Variants in ANGPTL5 observed in about 807,000 individuals in gnomAD.
ANGPTL5 encodes the protein angiopoietin like 5, also known as angiopoietin-related protein 5.
In ANGPTL5, 34 loss-of-function variants were observed where a neutral mutation model predicts 39.4. That is an observed-to-expected ratio of 0.86 (90% CI 0.66 to 1.15). The LOEUF (loss-of-function observed/expected upper bound fraction) is 1.15. Ranked by LOEUF, ANGPTL5 falls within the 50% of genes most tolerant of loss-of-function variation. The pLI is 0.00. For missense variants in ANGPTL5, 467 were observed against 457.5 expected (o/e 1.02, Z -0.19); for synonymous variants, 146 against 152.1 (o/e 0.96, Z 0.29).
At chr11:101,915,360 G>GCC in intron 1 of ANGPTL5, 1 of 1,613,944 alleles carries the variant, frequency 6.2e-7, no homozygotes, top group Non-Finnish European at 8.5e-7. Context: ...CCTCGACAGA[G>GCC]CCCCCCTCGG....
At chr11:101,912,194 T>C (rs1940101954) in intron 1 of ANGPTL5, among the ~76,000 whole-genome samples, 1 of 152,262 alleles carries the variant, frequency 6.6e-6, no homozygotes, top group Admixed American at 6.5e-5. Context: ...GTGCTCAATA[T>C]ATATTTCCTT....
intron 7 of ANGPTL5, among the ~76,000 whole-genome samples, chr11:101,897,698 T>C (rs892579432): frequency 6.6e-6 from 1 of 152,198 alleles, no homozygotes; most frequent in African/African-American, 2.4e-5. Context: ...GCCTCTGTTC[T>C]ATTCCATTGG....
At chr11:101,914,166 G>A (rs898064778) in intron 1 of ANGPTL5, among the ~76,000 whole-genome samples, 5 of 152,190 alleles carry the variant, frequency 3.3e-5, no homozygotes, top group African/African-American at 1.2e-4. Flanking sequence ...TTTGAATGGT[G>A]GGTGAATAAT....
intron 7 of ANGPTL5, among the ~76,000 whole-genome samples, chr11:101,899,989 T>C (rs1591254257): frequency 6.6e-6 from 1 of 152,346 alleles, no homozygotes; most frequent in African/African-American, 2.4e-5. Flanking sequence ...GACATTTTAA[T>C]AATATGCTCA....
At chr11:101,912,878 C>T (rs376685560) in intron 1 of ANGPTL5, among the ~76,000 whole-genome samples, 75 of 152,258 alleles carry the variant, frequency 4.9e-4, no homozygotes, top group African/African-American at 1.7e-3. Flanking sequence ...ATTAGACTGA[C>T]GGAACAGACA....
At chr11:101,891,857 C>T (rs1939703675) in intron 8 of ANGPTL5, among the ~76,000 whole-genome samples, 1 of 152,050 alleles carries the variant, frequency 6.6e-6, no homozygotes, top group South Asian at 2.1e-4. Flanking sequence ...GCTGTGTAGA[C>T]AAAACCAGAT....
At chr11:101,891,975 A>G (rs1939705610) in intron 8 of ANGPTL5, among the ~76,000 whole-genome samples, 1 of 152,204 alleles carries the variant, frequency 6.6e-6, no homozygotes, top group Non-Finnish European at 1.5e-5. Flanking sequence ...AGGTTTCCTT[A>G]CCACTACCAT....
chr11:101,902,810 C>G, intron 5 of ANGPTL5, 89 bp from the exon 6 acceptor site: 1 of 736,362 alleles, frequency 1.4e-6, no homozygotes, highest in East Asian at 2.8e-5. Context: ...GTGCTATTAT[C>G]ATAATTTTCA....
chr11:101,910,424 A>AAAAAT (rs1469724609), intron 1 of ANGPTL5, among the ~76,000 whole-genome samples: 1 of 127,218 alleles, frequency 7.9e-6, no homozygotes, highest in Admixed American at 8.1e-5. Context: ...AAAAAAAAAA[A>AAAAAT]ATATATATAT....
intron 1 of ANGPTL5, 47 bp from the exon 2 acceptor site, chr11:101,908,048 A>C (rs1001961398): frequency 3.1e-6 from 2 of 646,838 alleles, no homozygotes; most frequent in Non-Finnish European, 5.5e-6. Flanking sequence ...ACTAGTTTCC[A>C]TGCCCTGGTT....
intron 7 of ANGPTL5, 22 bp from the exon 8 acceptor site, chr11:101,895,086 T>C (rs1939769225): frequency 7.0e-7 from 1 of 1,435,756 alleles, no homozygotes; most frequent in Non-Finnish European, 9.6e-7. Flanking sequence ...ATGCTTTGTT[T>C]TAATATATTT....
chr11:101,899,681 T>C lies in ANGPTL5; in HGVS notation c.661+749A>G. Among the ~76,000 whole-genome samples the C allele has an allele frequency of 1.3e-5, 2 of 152,238 alleles. 1 individual carries two copies. The highest frequency in any genetic ancestry group is 2.9e-5 in the Non-Finnish European group (2 of 68,042). ...TAAGCCAAATTGCTTCTAAAATCAC[T>C]GGCATTCAGTAGCATTTTTAGCACT... On this transcript the variant is annotated intron_variant, in intron 7 of 8. Coordinates refer to ENST00000334289, the MANE Select transcript of ANGPTL5 (RefSeq NM_178127.5).
chr11:101,897,354 G>C (rs919633948), intron 7 of ANGPTL5, among the ~76,000 whole-genome samples: 1 of 152,118 alleles, frequency 6.6e-6, no homozygotes, highest in Non-Finnish European at 1.5e-5. Context: ...GAGCTCTTTA[G>C]TTTAATCAGA....
rs1939686573 is a variant in ANGPTL5 at position 101,891,259 on chromosome 11, C to T, written c.*20G>A. Reference sequence around the variant, plus strand: ...TAATATATTATCATTGTAGAACTTGCATTACAATGTTAAATGAGATTATTT... The same window carrying T: ...TAATATATTATCATTGTAGAACTTGTATTACAATGTTAAATGAGATTATTT... On this transcript the variant is annotated 3_prime_UTR_variant, in exon 9 of 9. Transcript: ENST00000334289. The T allele has an allele frequency of 3.8e-6, 6 of 1,569,290 alleles. No individual in the cohort carries two copies. Among genetic ancestry groups the T allele is most frequent in the Non-Finnish European group, 5.3e-6 (6 of 1,141,140 alleles).
Position 101,891,618 on chromosome 11 carries a change from T to C in ANGPTL5, c.848-20A>G. Reference sequence around the variant, plus strand: ...CATCACCTGGGAAAAAAATTTTTAATGATCGAATTTAAAGGAAATTTCTAT... The same window carrying C: ...CATCACCTGGGAAAAAAATTTTTAACGATCGAATTTAAAGGAAATTTCTAT... On this transcript the variant is annotated intron_variant, in intron 8 of 8. Coordinates refer to ENST00000334289, the MANE Select transcript of ANGPTL5 (RefSeq NM_178127.5). The C allele has an allele frequency of 2.5e-6, 4 of 1,608,986 alleles. No homozygotes were observed. Among genetic ancestry groups the C allele is most frequent in the African/African-American group, 1.3e-5 (1 of 74,856 alleles).
Position 101,906,517 on chromosome 11 carries a change from G to T in ANGPTL5, c.241+586C>A, listed in dbSNP as rs949646729. Among the ~76,000 whole-genome samples, 10 of 152,148 alleles carry T rather than the reference G, an allele frequency of 6.6e-5. No individual in the cohort carries two copies. The South Asian group carries it at 1.9e-3, about 28-fold the overall frequency. On this transcript the variant is annotated intron_variant, in intron 3 of 8. Transcript: ENST00000334289. The stretch of plus-strand genomic sequence containing the variant: ...CATGATGTACCGTCATGCTATTTCA[G>T]TGTATATTTCTTACACCAAAGACAT...
At chr11:101,894,810 T>C (rs1939762095) in intron 8 of ANGPTL5, 69 bp downstream of exon 8, 1 of 1,377,494 alleles carries the variant, frequency 7.3e-7, no homozygotes, top group African/African-American at 1.4e-5. Context: ...GCATTATTTT[T>C]ATCTTCACTT....
chr11:101,891,991 T>A (rs1447490941), intron 8 of ANGPTL5, among the ~76,000 whole-genome samples: 2 of 152,214 alleles, frequency 1.3e-5, no homozygotes, highest in African/African-American at 4.8e-5. Context: ...ACCATTTATG[T>A]CACTTTAGCT....
chr11:101,894,824 A>ATT, intron 8 of ANGPTL5, 55 bp downstream of exon 8: 1 of 1,442,520 alleles, frequency 6.9e-7, no homozygotes, highest in Non-Finnish European at 9.7e-7. Flanking sequence ...TTCACTTAAT[A>ATT]ATGAGTCAGT....
Sources: gnomAD v4.1 joint callset for allele counts (sites outside exome capture counted in the v4.1 genomes callset) on GRCh38, gnomAD v4.1.1 for gene constraint, MANE v1.5 for transcripts, NCBI Gene and HGNC (gene_info 2026-07-23, HGNC 2026-07-21) for gene names.